DLG2: variants seen among roughly 807,000 people sequenced by gnomAD.
DLG2 encodes the protein disks large homolog 2.
A neutral mutation model predicts 132.5 loss-of-function variants in DLG2; 45 were observed. The observed-to-expected ratio is 0.34, with a 90% CI of 0.27 to 0.44. The LOEUF is 0.44. Among genes scored for constraint, DLG2 ranks in the 20% least tolerant of loss-of-function variants. DLG2 has a pLI of 1.00. For synonymous variants in DLG2, 424 were observed against 419.6 expected, an observed-to-expected ratio of 1.01 and a Z score of -0.13; for missense variants, 1,045 against 1,196.9, an observed-to-expected ratio of 0.87 and a Z score of 1.87.
intron 18 of DLG2, among the ~76,000 whole-genome samples, chr11:83,763,698 C>T (rs1346589901): frequency 6.6e-6 from 1 of 152,102 alleles, no homozygotes; most frequent in Non-Finnish European, 1.5e-5. Flanking sequence ...TTAAAATAGG[C>T]AGGTTTTTAA....
chr11:84,055,264 T>C (rs1462236781), intron 11 of DLG2, among the ~76,000 whole-genome samples: 4 of 152,088 alleles, frequency 2.6e-5, no homozygotes, highest in Non-Finnish European at 2.9e-5. Context: ...GGCATCAAGA[T>C]AGCTCAAATC....
rs577420935 is a variant in DLG2 at position 83,768,341 on chromosome 11, G to C, written c.1825+18349C>G. Among the ~76,000 whole-genome samples the C allele has an allele frequency of 4.6e-5, 7 of 152,330 alleles. No individual in the cohort carries two copies. The South Asian group carries it at 1.5e-3, about 32-fold the overall frequency. ...TACCTTCTACATTAGATGCTTTAGA[G>C]TAGGGTGCTTTAGAAAGTATTTCCA... On this transcript the variant is annotated intron_variant, in intron 18 of 27. Transcript: ENST00000376104.
At chr11:85,403,301 T>C (rs76700174) in intron 3 of DLG2, among the ~76,000 whole-genome samples, 1 of 151,926 alleles carries the variant, frequency 6.6e-6, no homozygotes, top group Admixed American at 6.6e-5. Flanking sequence ...CAAGAACGCA[T>C]GCACACAGGG....
At chr11:85,203,338 CAT>C (rs1330414670) in intron 4 of DLG2, among the ~76,000 whole-genome samples, 1 of 151,474 alleles carries the variant, frequency 6.6e-6, no homozygotes, top group African/African-American at 2.4e-5. Context: ...AGAGAAGAGC[CAT>C]ATAAACAAAA....
chr11:85,514,930 G>C (rs548478928), intron 3 of DLG2, among the ~76,000 whole-genome samples: 1 of 151,788 alleles, frequency 6.6e-6, no homozygotes, highest in Non-Finnish European at 1.5e-5. Context: ...ATATACTTTC[G>C]TTGTACATCT....
At chr11:83,778,627 C>T (rs977082374) in intron 18 of DLG2, among the ~76,000 whole-genome samples, 1 of 152,024 alleles carries the variant, frequency 6.6e-6, no homozygotes, top group Non-Finnish European at 1.5e-5. Context: ...TAAAGATGCA[C>T]CATTCCCAGG....
intron 21 of DLG2, among the ~76,000 whole-genome samples, chr11:83,491,826 G>T (rs181177055): frequency 2.0e-5 from 3 of 151,946 alleles, no homozygotes; most frequent in East Asian, 3.9e-4. Flanking sequence ...AGATCTTTCT[G>T]CTTCTCCTTA....
At chr11:85,162,493 G>A (rs1026901250) in intron 4 of DLG2, among the ~76,000 whole-genome samples, 1 of 152,192 alleles carries the variant, frequency 6.6e-6, no homozygotes, top group Non-Finnish European at 1.5e-5. Context: ...CCAGCTGCAA[G>A]AATGAGGACT....
intron 7 of DLG2, among the ~76,000 whole-genome samples, chr11:84,502,234 CCTTCCT>C (rs2099213550): frequency 3.7e-5 from 1 of 27,194 alleles, no homozygotes. Flanking sequence ...TTCCTTCCTT[CCTTCCT>C]TCCTTCCTTC....
chr11:84,737,999 T>C (rs1354623583), intron 6 of DLG2, among the ~76,000 whole-genome samples: 4 of 152,112 alleles, frequency 2.6e-5, no homozygotes, highest in Non-Finnish European at 5.9e-5. Context: ...TTGCTTGCAT[T>C]GTAAATTTGA....
rs183470384 is a variant in DLG2 at position 84,299,286 on chromosome 11, C to T, written c.520-47995G>A. Among the ~76,000 whole-genome samples the T allele has an allele frequency of 2.4e-3, 364 of 152,126 alleles. 5 individuals carry two copies. The highest frequency in any genetic ancestry group is 1.5e-4 in the Non-Finnish European group (10 of 68,020). On this transcript the variant is annotated intron_variant, in intron 7 of 27. Coordinates refer to ENST00000376104, the MANE Select transcript of DLG2 (RefSeq NM_001142699.3). ...AAATCAGTAAGTGATACAAATAGAACTGAGTGTTAAGATAAATTTGGCAGC... is the reference window on the plus strand; with the variant it reads ...AAATCAGTAAGTGATACAAATAGAATTGAGTGTTAAGATAAATTTGGCAGC...
At chr11:84,592,991 C>T (rs1466919151) in intron 6 of DLG2, among the ~76,000 whole-genome samples, 1 of 122,182 alleles carries the variant, frequency 8.2e-6, no homozygotes, top group African/African-American at 3.2e-5. Context: ...TGGTGGTGGG[C>T]ACCTGTAGTC....
intron 3 of DLG2, among the ~76,000 whole-genome samples, chr11:85,322,882 C>T (rs891234890): frequency 2.0e-5 from 3 of 152,176 alleles, no homozygotes; most frequent in Admixed American, 1.3e-4. Context: ...CAACATCTCA[C>T]ACCTGCACTA....
At chr11:84,375,437 C>A (rs1250664302) in intron 7 of DLG2, among the ~76,000 whole-genome samples, 3 of 152,132 alleles carry the variant, frequency 2.0e-5, no homozygotes, top group Admixed American at 6.5e-5. Context: ...CATGGCACAC[C>A]ATGTTAATGT....
chr11:85,593,339 A>C (rs911948144), intron 3 of DLG2, among the ~76,000 whole-genome samples: 5 of 152,202 alleles, frequency 3.3e-5, no homozygotes, highest in African/African-American at 9.6e-5. Context: ...AAATTTTAAC[A>C]TGCCTCAGAA....
chr11:83,787,352 C>T (rs181494225), intron 17 of DLG2, among the ~76,000 whole-genome samples: 7 of 113,862 alleles, frequency 6.1e-5, no homozygotes, highest in East Asian at 5.7e-4. Context: ...GACAGAGTCT[C>T]GCTCTTTCGC....
intron 19 of DLG2, among the ~76,000 whole-genome samples, chr11:83,584,015 A>G (rs1222440776): frequency 1.3e-5 from 2 of 152,222 alleles, no homozygotes; most frequent in Admixed American, 6.5e-5. Flanking sequence ...AGTGTATCCA[A>G]TGAAAGGCCA....
chr11:85,384,565 TG>T (rs1224584078), intron 3 of DLG2, among the ~76,000 whole-genome samples: 1 of 152,158 alleles, frequency 6.6e-6, no homozygotes, highest in Non-Finnish European at 1.5e-5. Context: ...ATTTTTTGTT[TG>T]TTTTTTTGTT....
At chr11:84,272,933 CA>C (rs1375131321) in intron 7 of DLG2, among the ~76,000 whole-genome samples, 4 of 151,962 alleles carry the variant, frequency 2.6e-5, no homozygotes, top group African/African-American at 9.7e-5. Flanking sequence ...TTGATTGGAC[CA>C]CTGTTTATTC....
Sources: gnomAD v4.1 joint callset for allele counts (sites outside exome capture counted in the v4.1 genomes callset) on GRCh38, gnomAD v4.1.1 for gene constraint, MANE v1.5 for transcripts, NCBI Gene and HGNC (gene_info 2026-07-23, HGNC 2026-07-21) for gene names.